The following CDH4 variants were observed in gnomAD, a reference collection of about 807,000 sequenced individuals.
CDH4 encodes cadherin 4, also known as cadherin-4.
A neutral mutation model predicts 86.0 loss-of-function variants in CDH4; 33 were observed. The ratio of observed to expected loss-of-function variants is 0.38; its 90% CI spans 0.29 to 0.51. The LOEUF is 0.51. Ranked by LOEUF, CDH4 falls within the 20% of genes least tolerant of loss-of-function variation. CDH4 has a pLI of 0.86. For synonymous variants in CDH4, 555 were observed against 549.4 expected (o/e 1.01, Z -0.14); for missense variants, 1,114 against 1,307.4 (o/e 0.85, Z 2.28).
chr20:61,769,004 C>A (rs2088738570), intron 3 of CDH4, among the ~76,000 whole-genome samples: 1 of 152,168 alleles, frequency 6.6e-6, no homozygotes, highest in African/African-American at 2.4e-5. Flanking sequence ...GCGGGAGAGA[C>A]CAGCCAGTCT....
At position 61,663,380 on chromosome 20, in the gene CDH4, C is replaced by T. The variant is rs1051504781; in HGVS notation, c.170-80183C>T. Among the ~76,000 whole-genome samples the T allele has an allele frequency of 5.9e-5, 9 of 152,204 alleles. No homozygotes were observed. The highest frequency in any genetic ancestry group is 1.0e-4 in the Non-Finnish European group (7 of 68,038). Reference sequence around the variant, plus strand: ...CTGCTGCGGACAAGCGTTGGGAGGCCTCTCTGAGGAGGCAGTGTTTGCGCT... The same window carrying T: ...CTGCTGCGGACAAGCGTTGGGAGGCTTCTCTGAGGAGGCAGTGTTTGCGCT... On this transcript the variant is annotated intron_variant, in intron 2 of 15. Transcript: ENST00000614565. The surrounding 1 kb of genome is among the most constrained non-coding windows in gnomAD (Gnocchi z 5.0).
At position 61,844,770 on chromosome 20, in the gene CDH4, G is replaced by A. The variant is rs767509293; in HGVS notation, c.679G>A (p.Gly227Ser). ...MEVFSIDSMS[G>S]RMYVTRPMDR... ...GGTCTTCAGCATTGACTCCATGTCC[G>A]GCCGGATGTACGTCACAAGGCCCAT... is the stretch of plus-strand genomic sequence containing the variant. Residue 227 changes from glycine (G) to serine (S), a missense_variant, in exon 5 of 16, where the codon GGC (glycine) becomes AGC (serine). Coordinates refer to ENST00000614565, the MANE Select transcript of CDH4 (RefSeq NM_001794.5). The A allele has an allele frequency of 5.6e-6, 9 of 1,613,978 alleles. No individual in the cohort carries two copies. Among genetic ancestry groups the A allele is most frequent in the Non-Finnish European group, 7.6e-6 (9 of 1,179,902 alleles).
At chr20:61,413,519 G>A (rs2085131040) in intron 2 of CDH4, among the ~76,000 whole-genome samples, 1 of 152,160 alleles carries the variant, frequency 6.6e-6, no homozygotes, top group Admixed American at 6.5e-5. Context: ...GGGAGGTGGT[G>A]GGACTGCTGC....
intron 1 of CDH4, among the ~76,000 whole-genome samples, chr20:61,253,263 G>C (rs1233621067): frequency 1.3e-5 from 2 of 151,102 alleles, no homozygotes; most frequent in East Asian, 3.9e-4. Context: ...ACGCCGGGCG[G>C]GCGCGGCGCG....
intron 2 of CDH4, among the ~76,000 whole-genome samples, chr20:61,281,985 C>T (rs1260433014): frequency 6.6e-6 from 1 of 152,274 alleles, no homozygotes; most frequent in Middle Eastern, 3.4e-3. Flanking sequence ...GGGGGTTGGG[C>T]CAGTCAGCAG....
At chr20:61,384,645 T>G (rs905685140) in intron 2 of CDH4, among the ~76,000 whole-genome samples, 1 of 152,222 alleles carries the variant, frequency 6.6e-6, no homozygotes. Flanking sequence ...TCTTCTGACT[T>G]GCCTTCCAAT....
intron 2 of CDH4, among the ~76,000 whole-genome samples, chr20:61,579,222 G>T (rs956723107): frequency 6.6e-6 from 1 of 151,888 alleles, no homozygotes; most frequent in African/African-American, 2.4e-5. Context: ...CTCGAGCAGG[G>T]GAGACTCTAC....
chr20:61,353,682 C>CTTCTT (rs2084728758), intron 2 of CDH4, among the ~76,000 whole-genome samples: 4 of 40,034 alleles, frequency 1.0e-4, no homozygotes, highest in Non-Finnish European at 1.6e-4. Flanking sequence ...CCCTCCTCCT[C>CTTCTT]CCCCTCCTCC....
At chr20:61,487,185 T>A (rs2085601413) in intron 2 of CDH4, among the ~76,000 whole-genome samples, 1 of 152,234 alleles carries the variant, frequency 6.6e-6, no homozygotes, top group South Asian at 2.1e-4. Flanking sequence ...TTCAGCACCA[T>A]TTGTGAAAAA....
At chr20:61,317,144 C>G (rs577985668) in intron 2 of CDH4, among the ~76,000 whole-genome samples, 10 of 151,918 alleles carry the variant, frequency 6.6e-5, no homozygotes, top group Non-Finnish European at 1.5e-4. Flanking sequence ...TTTGGGAGGC[C>G]GAGGTGGGTG....
intron 8 of CDH4, among the ~76,000 whole-genome samples, chr20:61,898,154 C>T (rs961169601): frequency 1.3e-5 from 2 of 152,178 alleles, no homozygotes; most frequent in South Asian, 2.1e-4. Context: ...CATGCCTCAC[C>T]GTGGGACGGA....
intron 4 of CDH4, among the ~76,000 whole-genome samples, chr20:61,841,379 CAG>C (rs1205800186): frequency 1.3e-5 from 2 of 152,204 alleles, no homozygotes; most frequent in African/African-American, 4.8e-5. Context: ...TCAGAGGTGA[CAG>C]GGAGAGGGGC....
At position 61,516,990 on chromosome 20, in the gene CDH4, G is replaced by A. The variant is rs532878078; in HGVS notation, c.170-226573G>A. On this transcript the variant is annotated intron_variant, in intron 2 of 15. Transcript: ENST00000614565. The surrounding 1 kb of genome is among the most constrained non-coding windows in gnomAD (Gnocchi z 4.0). ...TGTCATGCACGCCCTGAAAAATGCAGGCATGATTAGTACCCAACCAGACAG... is the reference window on the plus strand; with the variant it reads ...TGTCATGCACGCCCTGAAAAATGCAAGCATGATTAGTACCCAACCAGACAG... Among the ~76,000 whole-genome samples, 15 of 152,292 alleles carry A rather than the reference G, an allele frequency of 9.8e-5. No homozygotes were observed. The highest frequency in any genetic ancestry group is 3.4e-4 in the African/African-American group (14 of 41,556).
intron 4 of CDH4, among the ~76,000 whole-genome samples, chr20:61,818,551 G>C (rs929454317): frequency 1.3e-5 from 2 of 152,052 alleles, no homozygotes; most frequent in African/African-American, 4.8e-5. Flanking sequence ...GGTGGTGTGT[G>C]CCTGTGGTCT....
At chr20:61,872,054 G>T (rs1983828441) in intron 6 of CDH4, among the ~76,000 whole-genome samples, 1 of 152,176 alleles carries the variant, frequency 6.6e-6, no homozygotes, top group African/African-American at 2.4e-5. Flanking sequence ...GAGGGGGAAG[G>T]CTCCCTGCCT....
At position 61,623,502 on chromosome 20, in the gene CDH4, G is replaced by A. The variant is rs2086797610; in HGVS notation, c.170-120061G>A. On this transcript the variant is annotated intron_variant, in intron 2 of 15. Coordinates refer to ENST00000614565, the MANE Select transcript of CDH4 (RefSeq NM_001794.5). This position sits in a 1 kb window ranked among gnomAD's most constrained non-coding sequence, Gnocchi z 4.4. ...ACCATTACAATGAAAACAATTTCAAGAGCAAATTGAATACCTAAAAAAGTA... is the reference window on the plus strand; with the variant it reads ...ACCATTACAATGAAAACAATTTCAAAAGCAAATTGAATACCTAAAAAAGTA... Among the ~76,000 whole-genome samples the A allele has an allele frequency of 6.6e-6, 1 of 152,138 alleles. No homozygotes were observed. Among genetic ancestry groups the A allele is most frequent in the East Asian group, 1.9e-4 (1 of 5,184 alleles).
chr20:61,791,613 A>G (rs1055734714), intron 4 of CDH4, among the ~76,000 whole-genome samples: 5 of 152,162 alleles, frequency 3.3e-5, no homozygotes, highest in Admixed American at 3.3e-4. Context: ...AGATGGGAGG[A>G]GAAGAAACTG....
At chr20:61,926,113 C>T (rs1050165163) in intron 11 of CDH4, among the ~76,000 whole-genome samples, 2 of 152,212 alleles carry the variant, frequency 1.3e-5, no homozygotes, top group Non-Finnish European at 2.9e-5. Context: ...AAACCAGCCA[C>T]GCAGATGATT....
chr20:61,297,919 C>T (rs1156370612), intron 2 of CDH4, among the ~76,000 whole-genome samples: 1 of 152,178 alleles, frequency 6.6e-6, no homozygotes, highest in African/African-American at 2.4e-5. Context: ...TCGCCTGTGG[C>T]CGTGGAGGTA....
Sources: allele counts gnomAD v4.1 joint callset (sites outside exome capture counted in the v4.1 genomes callset), GRCh38; gene constraint gnomAD v4.1.1; non-coding constraint Gnocchi (gnomAD v3.1); transcripts MANE v1.5; gene names NCBI Gene and HGNC (gene_info 2026-07-23, HGNC 2026-07-21).